KCNH1: variants seen among roughly 807,000 people sequenced by gnomAD.
KCNH1 encodes the protein potassium voltage-gated channel subfamily H member 1.
Under a neutral mutation model 69.2 loss-of-function variants are expected in KCNH1, and 27 were observed. The observed-to-expected ratio is 0.39, with a 90% CI of 0.29 to 0.54. The LOEUF is 0.54. Among genes scored for constraint, KCNH1 ranks in the 20% least tolerant of loss-of-function variants. The pLI, the probability that KCNH1 is intolerant of heterozygous loss-of-function variation, is 0.68. For missense variants in KCNH1, 798 were observed against 1,261.6 expected, an observed-to-expected ratio of 0.63 and a Z score of 5.57; for synonymous variants, 456 against 487.7, an observed-to-expected ratio of 0.93 and a Z score of 0.86.
At chr1:211,040,190 CAA>C (rs35260257) in intron 5 of KCNH1, among the ~76,000 whole-genome samples, 20 of 108,584 alleles carry the variant, frequency 1.8e-4, no homozygotes, top group Non-Finnish European at 2.0e-4. Flanking sequence ...GACTCCGTCT[CAA>C]AAAAAAAAAA....
At chr1:211,072,644 T>C (rs1174211827) in intron 5 of KCNH1, among the ~76,000 whole-genome samples, 1 of 152,184 alleles carries the variant, frequency 6.6e-6, no homozygotes, top group Non-Finnish European at 1.5e-5. Context: ...CTTAGTATAG[T>C]ATTATTTGAA....
chr1:210,868,934 A>C (rs1686175243), intron 7 of KCNH1, among the ~76,000 whole-genome samples: 2 of 152,110 alleles, frequency 1.3e-5, no homozygotes, highest in African/African-American at 2.4e-5. Context: ...GCATCTGAAG[A>C]ACTTGCATTT....
chr1:210,984,044 G>A (rs2102127), intron 6 of KCNH1, among the ~76,000 whole-genome samples: 50,204 of 151,922 alleles, frequency 0.33, 8,710 homozygotes, highest in Non-Finnish European at 0.38. Context: ...ATTGTGAATC[G>A]GAGTTCACTC....
At chr1:210,806,836 A>ATATATATATATATAT (rs59113939) in intron 7 of KCNH1, among the ~76,000 whole-genome samples, 3 of 85,620 alleles carry the variant, frequency 3.5e-5, no homozygotes, top group South Asian at 4.6e-4. Flanking sequence ...AAAAAAAAAA[A>ATATATATATATATAT]ATATATATAT....
At chr1:210,798,348 A>G (rs1264181847) in intron 8 of KCNH1, among the ~76,000 whole-genome samples, 2 of 152,144 alleles carry the variant, frequency 1.3e-5, no homozygotes, top group Admixed American at 6.5e-5. Flanking sequence ...CAGGAAGGTG[A>G]CGTTTAAGCT....
At chr1:211,077,932 A>G (rs1430024522) in intron 5 of KCNH1, among the ~76,000 whole-genome samples, 1 of 151,838 alleles carries the variant, frequency 6.6e-6, no homozygotes, top group Non-Finnish European at 1.5e-5. Flanking sequence ...AGCAAATGGA[A>G]AGCAAAAAGA....
chr1:210,722,219 G>A (rs1682486269), intron 10 of KCNH1, among the ~76,000 whole-genome samples: 1 of 152,236 alleles, frequency 6.6e-6, no homozygotes, highest in Non-Finnish European at 1.5e-5. Flanking sequence ...GATCTGTTCT[G>A]TGTTACTTTG....
chr1:210,746,003 G>A (rs1036621678), intron 10 of KCNH1, among the ~76,000 whole-genome samples: 1 of 152,174 alleles, frequency 6.6e-6, no homozygotes, highest in African/African-American at 2.4e-5. Flanking sequence ...CCCATTCTTC[G>A]AGAGCTGGGG....
intron 8 of KCNH1, among the ~76,000 whole-genome samples, chr1:210,798,350 G>A (rs1015990345): frequency 4.6e-5 from 7 of 152,128 alleles, no homozygotes; most frequent in Non-Finnish European, 7.4e-5. Context: ...GGAAGGTGAC[G>A]TTTAAGCTGA....
rs1043074281 is a variant in KCNH1, at chr1:211,090,569, T to C, written c.432A>G (p.Ser144=). 1 of 1,601,840 alleles carries C rather than the reference T, an allele frequency of 6.2e-7. No homozygotes were observed. Among genetic ancestry groups the C allele is most frequent in the South Asian group, 1.1e-5 (1 of 87,980 alleles). Residue 144 remains serine (S), a synonymous_variant, in exon 4 of 11, where the codon TCA becomes TCG. Coordinates refer to ENST00000271751, the MANE Select transcript of KCNH1 (RefSeq NM_172362.3). ...CAAGTCAGAATTACAAACCTTTACATGAATCATCCTCAATTGGCTGTTTGA... is the reference window on the plus strand; with the variant it reads ...CAAGTCAGAATTACAAACCTTTACACGAATCATCCTCAATTGGCTGTTTGA... ...TAFKQPIEDD[S]CKGWGKFARL... is the part of the protein sequence containing the mutation.
At chr1:210,692,409 T>C (rs573247814) in intron 10 of KCNH1, among the ~76,000 whole-genome samples, 3 of 152,272 alleles carry the variant, frequency 2.0e-5, no homozygotes, top group Admixed American at 1.3e-4. Context: ...AGGGAAGAGA[T>C]GGCGCTGCTG....
chr1:210,949,020 T>A (rs1471863424), intron 6 of KCNH1, among the ~76,000 whole-genome samples: 1 of 152,138 alleles, frequency 6.6e-6, no homozygotes. Context: ...TCATGGGGTG[T>A]CCAAAAACAA....
At chr1:211,116,401 C>T (rs553987466) in intron 1 of KCNH1, among the ~76,000 whole-genome samples, 75 of 152,260 alleles carry the variant, frequency 4.9e-4, no homozygotes, top group African/African-American at 1.6e-3. Flanking sequence ...CCCTCACAGT[C>T]CTAGTAGTAC....
At chr1:210,724,278 C>A (rs1682539138) in intron 10 of KCNH1, among the ~76,000 whole-genome samples, 1 of 152,148 alleles carries the variant, frequency 6.6e-6, no homozygotes, top group Non-Finnish European at 1.5e-5. Context: ...CCAATTAAAT[C>A]AGAATGTCTG....
intron 5 of KCNH1, among the ~76,000 whole-genome samples, chr1:211,058,337 T>C (rs1690352910): frequency 6.6e-6 from 1 of 152,180 alleles, no homozygotes; most frequent in African/African-American, 2.4e-5. Flanking sequence ...GTAATTGTGG[T>C]GTATAAACTA....
At chr1:210,979,124 C>T (rs888155958) in intron 6 of KCNH1, among the ~76,000 whole-genome samples, 72 of 151,690 alleles carry the variant, frequency 4.7e-4, no homozygotes, top group African/African-American at 1.7e-3. Flanking sequence ...TGGACATCAC[C>T]AGCCACTTCA....
intron 5 of KCNH1, among the ~76,000 whole-genome samples, chr1:211,049,545 T>C (rs954565941): frequency 6.6e-6 from 1 of 152,098 alleles, no homozygotes; most frequent in Admixed American, 6.6e-5. Flanking sequence ...GTGATAAAGC[T>C]GAATTAAGGG....
In KCNH1 at chr1:211,085,866, A is replaced by T. The variant is rs1023995939; in HGVS notation, c.440-2968T>A. Reference sequence around the variant, plus strand: ...AGGCCAAATGGGAGCGGACAACCCAAACTGAACTTAGCTCAAAATGGTCTT... The same window carrying T: ...AGGCCAAATGGGAGCGGACAACCCATACTGAACTTAGCTCAAAATGGTCTT... On this transcript the variant is annotated intron_variant, in intron 4 of 10. Transcript: ENST00000271751. Among the ~76,000 whole-genome samples, 11 of 152,272 alleles carry T rather than the reference A, an allele frequency of 7.2e-5. No homozygotes were observed. In the Middle Eastern group the frequency reaches 0.01, roughly 141 times the overall value.
chr1:210,735,843 C>T (rs1370696836), intron 10 of KCNH1, among the ~76,000 whole-genome samples: 12 of 151,256 alleles, frequency 7.9e-5, no homozygotes, highest in African/African-American at 2.2e-4. Flanking sequence ...AGAGAGAGAG[C>T]GCACAAGAGA....
Sources: allele counts gnomAD v4.1 joint callset (sites outside exome capture counted in the v4.1 genomes callset), GRCh38; gene constraint gnomAD v4.1.1; transcripts MANE v1.5; gene names NCBI Gene and HGNC (gene_info 2026-07-23, HGNC 2026-07-21).